LAMC3: variants seen among roughly 807,000 people sequenced by gnomAD.
LAMC3 encodes laminin subunit gamma-3.
LAMC3 carries 128 observed loss-of-function variants against 173.8 expected under a neutral mutation model. The observed-to-expected ratio is 0.74, with a 90% CI of 0.64 to 0.85. The LOEUF (loss-of-function observed/expected upper bound fraction) is 0.85, where lower values mean the gene tolerates loss of function less well. Among genes scored for constraint, LAMC3 ranks in the 40% least tolerant of loss-of-function variants. The pLI is 0.00. For missense variants in LAMC3, 2,022 were observed against 2,156.0 expected, an observed-to-expected ratio of 0.94 and a Z score of 1.23; for synonymous variants, 897 against 909.1, an observed-to-expected ratio of 0.99 and a Z score of 0.24.
At chr9:131,070,039 C>T (rs1830012539) in intron 17 of LAMC3, among the ~76,000 whole-genome samples, 189 bp downstream of exon 17, 1 of 152,228 alleles carries the variant, frequency 6.6e-6, no homozygotes, top group Admixed American at 6.5e-5. Context: ...TCACCTCGGC[C>T]CTTCCCCTGC....
intron 1 of LAMC3, among the ~76,000 whole-genome samples, chr9:131,020,384 A>G (rs1425406876): frequency 6.6e-6 from 1 of 152,112 alleles, no homozygotes; most frequent in African/African-American, 2.4e-5. Flanking sequence ...ATACCACAAG[A>G]CCCTGGCTGA....
chr9:131,019,369 G>T (rs1245868877), intron 1 of LAMC3, among the ~76,000 whole-genome samples: 1 of 152,224 alleles, frequency 6.6e-6, no homozygotes, highest in Non-Finnish European at 1.5e-5. Context: ...ATGGCACCTA[G>T]CACACAAGAG....
At chr9:131,015,712 A>G (rs1486358034) in intron 1 of LAMC3, among the ~76,000 whole-genome samples, 5 of 152,060 alleles carry the variant, frequency 3.3e-5, no homozygotes, top group East Asian at 1.9e-4. Flanking sequence ...CTGGAGTGCA[A>G]TGGTGCGATC....
intron 13 of LAMC3, among the ~76,000 whole-genome samples, chr9:131,062,770 G>A (rs1441394534): frequency 6.6e-6 from 1 of 151,920 alleles, no homozygotes; most frequent in African/African-American, 2.4e-5. Context: ...TCGGGAGGCT[G>A]AGATAGGAGA....
At chr9:131,019,924 C>T (rs751176621) in intron 1 of LAMC3, among the ~76,000 whole-genome samples, 22 of 152,070 alleles carry the variant, frequency 1.4e-4, no homozygotes, top group Non-Finnish European at 2.4e-4. Context: ...ACAGCAGGAG[C>T]GCCAAGCTGT....
chr9:131,038,725 T>C lies in LAMC3; in HGVS notation c.977-139T>C, dbSNP rs59121238. On this transcript the variant is annotated intron_variant, in intron 4 of 27. Coordinates refer to ENST00000361069, the MANE Select transcript of LAMC3 (RefSeq NM_006059.4). ...TGTCTAGCCTTGATCAAGCTGGGCC[T>C]GAACTCCATTCTGGACCATGCTCTT... 379 of 911,388 alleles carry C rather than the reference T, an allele frequency of 4.2e-4. 3 individuals are homozygous for C. The African/African-American group carries it at 5.3e-3, about 13-fold the overall frequency. 56.5% of individuals were successfully genotyped at this position (911,388 alleles called of 1,614,324 possible).
intron 17 of LAMC3, among the ~76,000 whole-genome samples, chr9:131,070,144 C>A (rs1350268331): frequency 3.3e-5 from 5 of 152,204 alleles, no homozygotes; most frequent in Non-Finnish European, 5.9e-5. Flanking sequence ...GGGGATGAGA[C>A]CACAGATGAC....
At chr9:131,042,899 A>C (rs1016995881) in intron 7 of LAMC3, among the ~76,000 whole-genome samples, 1 of 151,154 alleles carries the variant, frequency 6.6e-6, no homozygotes, top group Non-Finnish European at 1.5e-5. Flanking sequence ...CCCACAGCAG[A>C]CATCACTAAT....
chr9:131,014,862 A>G (rs1260550637), intron 1 of LAMC3, among the ~76,000 whole-genome samples: 1 of 152,222 alleles, frequency 6.6e-6, no homozygotes, highest in African/African-American at 2.4e-5. Flanking sequence ...AAGTGCCTGT[A>G]GTCCCAGCTA....
At position 131,052,493 on chromosome 9, in the gene LAMC3, A is replaced by G. The variant is rs1834309170; in HGVS notation, c.1633A>G (p.Lys545Glu). ...EDEEELTAPE[K>E]FLGDQRFSYG... is the part of the protein sequence containing the mutation. ...AAGCCTTCTTCTCTTGTCTTCAGAG[A>G]AGTTCCTGGGAGACCAGCGGTTCAG... is the stretch of plus-strand genomic sequence containing the variant. The change falls in exon 10 of 28, where the codon AAG becomes GAG. Residue 545 changes from lysine to glutamate, a missense_variant and splice_region_variant. Coordinates refer to ENST00000361069, the MANE Select transcript of LAMC3 (RefSeq NM_006059.4). 2 of 1,613,904 alleles carry G rather than the reference A, an allele frequency of 1.2e-6. No homozygotes were observed. The highest frequency in any genetic ancestry group is 1.7e-6 in the Non-Finnish European group (2 of 1,179,758).
At chr9:131,035,192 C>T (rs1278129497) in intron 3 of LAMC3, among the ~76,000 whole-genome samples, 2 of 152,170 alleles carry the variant, frequency 1.3e-5, no homozygotes, top group Non-Finnish European at 1.5e-5. Flanking sequence ...TCAGGTGATC[C>T]GCCCACCTTG....
intron 1 of LAMC3, among the ~76,000 whole-genome samples, chr9:131,025,125 T>C (rs1201100402): frequency 6.6e-6 from 1 of 152,124 alleles, no homozygotes; most frequent in African/African-American, 2.4e-5. Flanking sequence ...GCTCGAACTG[T>C]GGAAGGCGGC....
chr9:131,083,297 AT>A, intron 24 of LAMC3, among the ~76,000 whole-genome samples: 1 of 152,166 alleles, frequency 6.6e-6, no homozygotes, highest in Non-Finnish European at 1.5e-5. Flanking sequence ...GTGGATGGAA[AT>A]TTCCTTGCAC....
Position 131,075,933 on chromosome 9 carries a change from G to A in LAMC3, c.3597G>A (p.Val1199=), listed in dbSNP as rs1830118866. The A allele has an allele frequency of 6.2e-7, 1 of 1,610,264 alleles. No individual in the cohort carries two copies. The highest frequency in any genetic ancestry group is 1.1e-5 in the South Asian group (1 of 90,682). ...TCTGGAATCTGCTGGAGGGAAGGGT[G>A]GCCCTAGAGACCCAGCGGGACCTGG... ...ALLWNLLEGR[V]ALETQRDLED... is the part of the protein sequence containing the mutation. Residue 1199 remains valine (V), a synonymous_variant, in exon 21 of 28, where the codon GTG becomes GTA. Transcript: ENST00000361069.
intron 1 of LAMC3, among the ~76,000 whole-genome samples, chr9:131,024,308 G>C (rs936265264): frequency 6.6e-6 from 1 of 151,954 alleles, no homozygotes; most frequent in African/African-American, 2.4e-5. Context: ...ACCACACCTG[G>C]CTAATTTTTT....
rs1437712014 is a variant in LAMC3 at position 131,066,958 on chromosome 9, AG to A, written c.2349del. The A allele has an allele frequency of 6.2e-7, 1 of 1,613,582 alleles. No homozygotes were observed. The highest frequency in any genetic ancestry group is 8.5e-7 in the Non-Finnish European group (1 of 1,180,016). ...CCCCACACGTGCTCCCTCTACACAC[AG>A]GGCGGCGCTGTGAGGTCTGTGATGA... On this transcript the variant is annotated splice_acceptor_variant, in intron 13 of 27. Coordinates refer to ENST00000361069, the MANE Select transcript of LAMC3 (RefSeq NM_006059.4). LOFTEE classifies it high-confidence loss of function.
rs749095155 is a variant in LAMC3, at chr9:131,085,490, A to G, written c.4031-34A>G. Reference sequence around the variant, plus strand: ...TGGGAGGCACCGGAGGTGTGAGCCCAGTTCCCCTGACCCAGCCTCAGCCGG... The same window carrying G: ...TGGGAGGCACCGGAGGTGTGAGCCCGGTTCCCCTGACCCAGCCTCAGCCGG... On this transcript the variant is annotated intron_variant, in intron 24 of 27. Coordinates refer to ENST00000361069, the MANE Select transcript of LAMC3 (RefSeq NM_006059.4). 5.0e-6 allele frequency: 8 copies of G among 1,611,908 alleles called. No individual in the cohort carries two copies. In the South Asian group the frequency reaches 8.8e-5, roughly 18 times the overall value.
intron 8 of LAMC3, among the ~76,000 whole-genome samples, chr9:131,046,180 CTTTTTTTTTTTTTT>C (rs61108655): frequency 5.2e-5 from 4 of 76,506 alleles, no homozygotes; most frequent in Admixed American, 1.6e-4. Flanking sequence ...AGTTTTGCTC[CTTTTTTTTTTTTTT>C]TTTTTTTTTT....
rs1260329560 is a variant in LAMC3 at position 131,026,118 on chromosome 9, C to A, written c.374-167C>A. 1.3e-5 allele frequency among the ~76,000 whole-genome samples: 2 copies of A among 152,168 alleles called. No individual in the cohort carries two copies. The highest frequency in any genetic ancestry group is 2.9e-5 in the Non-Finnish European group (2 of 68,026). ...TGTGGGCATTGTCCTTTCCAGTGCC[C>A]CAGCAGGCATCATGAATGGAGGGTG... On this transcript the variant is annotated intron_variant, in intron 1 of 27. Coordinates refer to ENST00000361069, the MANE Select transcript of LAMC3 (RefSeq NM_006059.4). This position sits in a 1 kb window ranked among gnomAD's most constrained non-coding sequence, Gnocchi z 4.8.
Sources: gnomAD v4.1 joint callset for allele counts (sites outside exome capture counted in the v4.1 genomes callset) on GRCh38, gnomAD v4.1.1 for gene constraint, Gnocchi (gnomAD v3.1) non-coding constraint, MANE v1.5 for transcripts, NCBI Gene and HGNC (gene_info 2026-07-23, HGNC 2026-07-21) for gene names.